Variants in CADM2 observed in about 807,000 individuals in gnomAD.
The protein encoded by CADM2 is immunoglobulin superfamily member 4D.
Under a neutral mutation model 49.8 loss-of-function variants are expected in CADM2, and 12 were observed. The observed-to-expected ratio is 0.24, with a 90% confidence interval of 0.15 to 0.39. The LOEUF is 0.39. CADM2 is among the 10% of genes least tolerant of loss of function. The probability of loss-of-function intolerance (pLI) is 1.00; values close to 1 mark genes in which losing one functional copy is unlikely to be tolerated. For missense variants in CADM2, 378 were observed against 492.3 expected (o/e 0.77, Z 2.20); for synonymous variants, 214 against 175.4 (o/e 1.22, Z -1.74).
At chr3:85,407,404 A>G (rs1264325083) in intron 1 of CADM2, among the ~76,000 whole-genome samples, 1 of 152,080 alleles carries the variant, frequency 6.6e-6, no homozygotes, top group African/African-American at 2.4e-5. Context: ...GGATTTTTGT[A>G]GATACCTCGT....
intron 1 of CADM2, among the ~76,000 whole-genome samples, chr3:85,267,430 T>C (rs1194008765): frequency 6.6e-6 from 1 of 151,776 alleles, no homozygotes; most frequent in Non-Finnish European, 1.5e-5. Context: ...GTCACTGCCT[T>C]ATATCCTTCA....
At chr3:84,984,335 A>C (rs2032409954) in intron 1 of CADM2, among the ~76,000 whole-genome samples, 1 of 130,168 alleles carries the variant, frequency 7.7e-6, no homozygotes, top group Non-Finnish European at 1.6e-5. Flanking sequence ...TAATGCCCTC[A>C]TAGCCACCTC....
chr3:85,052,979 C>A (rs2035943119), intron 1 of CADM2, among the ~76,000 whole-genome samples: 1 of 151,810 alleles, frequency 6.6e-6, no homozygotes, highest in Non-Finnish European at 1.5e-5. Flanking sequence ...GCTCTCAATG[C>A]AAAACTTTGG....
chr3:85,785,072 T>G (rs1186796969), intron 2 of CADM2, among the ~76,000 whole-genome samples: 1 of 152,126 alleles, frequency 6.6e-6, no homozygotes, highest in South Asian at 2.1e-4. Flanking sequence ...TATTGGCATA[T>G]AGTTAACATA....
At chr3:85,694,842 G>A (rs1577102293) in intron 1 of CADM2, among the ~76,000 whole-genome samples, 2 of 152,088 alleles carry the variant, frequency 1.3e-5, no homozygotes, top group Admixed American at 6.5e-5. Context: ...CACGTTTATT[G>A]TCCCAGTAAC....
At chr3:85,487,232 C>A (rs570492466) in intron 1 of CADM2, among the ~76,000 whole-genome samples, 1 of 152,120 alleles carries the variant, frequency 6.6e-6, no homozygotes, top group Non-Finnish European at 1.5e-5. Flanking sequence ...TCAGAAGATA[C>A]GGCTGGGCAC....
intron 1 of CADM2, among the ~76,000 whole-genome samples, chr3:85,000,245 T>C (rs1559610141): frequency 6.6e-6 from 1 of 151,598 alleles, no homozygotes; most frequent in Non-Finnish European, 1.5e-5. Context: ...TCTAGAGTAG[T>C]TGGGACTACA....
At chr3:85,100,666 A>T (rs2037977321) in intron 1 of CADM2, among the ~76,000 whole-genome samples, 1 of 152,190 alleles carries the variant, frequency 6.6e-6, no homozygotes, top group African/African-American at 2.4e-5. Context: ...TTATATTCTA[A>T]AAAACGAGGA....
chr3:85,180,768 G>C (rs974533451), intron 1 of CADM2, among the ~76,000 whole-genome samples: 1 of 152,092 alleles, frequency 6.6e-6, no homozygotes, highest in Admixed American at 6.5e-5. Context: ...TAAAGAATGA[G>C]AATATAATTT....
chr3:85,630,499 A>G (rs556992808), intron 1 of CADM2, among the ~76,000 whole-genome samples: 1 of 152,148 alleles, frequency 6.6e-6, no homozygotes, highest in African/African-American at 2.4e-5. Flanking sequence ...TCAGGTATAT[A>G]AAATCATGTG....
At chr3:85,840,920 A>C (rs1393424258) in intron 3 of CADM2, among the ~76,000 whole-genome samples, 2 of 151,830 alleles carry the variant, frequency 1.3e-5, no homozygotes, top group Admixed American at 6.6e-5. Flanking sequence ...AAGAAAACCC[A>C]AAAAATAAGC....
At chr3:85,232,807 G>A (rs1403097896) in intron 1 of CADM2, among the ~76,000 whole-genome samples, 1 of 152,094 alleles carries the variant, frequency 6.6e-6, no homozygotes, top group Admixed American at 6.6e-5. Context: ...GTGCAAAATG[G>A]TATAGTCACT....
chr3:85,743,426 A>G (rs2068475364), intron 2 of CADM2, among the ~76,000 whole-genome samples: 1 of 152,216 alleles, frequency 6.6e-6, no homozygotes, highest in African/African-American at 2.4e-5. Flanking sequence ...TTTGTGCTGC[A>G]TAAGGACATT....
chr3:85,158,684 A>T (rs2040219642), intron 1 of CADM2, among the ~76,000 whole-genome samples: 2 of 151,880 alleles, frequency 1.3e-5, no homozygotes, highest in African/African-American at 4.8e-5. Context: ...CACTCTGGGG[A>T]TTGTTGTGGG....
intron 1 of CADM2, among the ~76,000 whole-genome samples, chr3:85,191,742 A>T (rs2041213487): frequency 6.6e-6 from 1 of 152,142 alleles, no homozygotes; most frequent in Non-Finnish European, 1.5e-5. Context: ...GGCACAAATC[A>T]TCCCTGAATT....
At chr3:85,302,661 T>TAA (rs2106999121) in intron 1 of CADM2, among the ~76,000 whole-genome samples, 1 of 152,116 alleles carries the variant, frequency 6.6e-6, no homozygotes, top group South Asian at 2.1e-4. Context: ...AGTAGATGGA[T>TAA]GAGTAGATTA....
intron 1 of CADM2, among the ~76,000 whole-genome samples, chr3:85,132,595 A>C: frequency 6.6e-6 from 1 of 151,232 alleles, no homozygotes; most frequent in East Asian, 1.9e-4. Context: ...CCATTACATA[A>C]ATTTAGTTTT....
At chr3:85,064,104 C>T (rs2036434737) in intron 1 of CADM2, among the ~76,000 whole-genome samples, 1 of 151,996 alleles carries the variant, frequency 6.6e-6, no homozygotes. Flanking sequence ...GCTTCTTTTC[C>T]CCAAGGAATT....
chr3:85,930,484 T>C (rs555549634), intron 6 of CADM2, among the ~76,000 whole-genome samples: 6 of 152,248 alleles, frequency 3.9e-5, no homozygotes, highest in African/African-American at 1.2e-4. Flanking sequence ...TATTTTAAAA[T>C]ATATAGTTAA....
Sources: allele counts gnomAD v4.1 joint callset (sites outside exome capture counted in the v4.1 genomes callset), GRCh38; gene constraint gnomAD v4.1.1; transcripts MANE v1.5; gene names NCBI Gene and HGNC (gene_info 2026-07-23, HGNC 2026-07-21).